KCNT1: variants seen among roughly 807,000 people sequenced by gnomAD.
KCNT1 encodes potassium channel subfamily T member 1.
Under a neutral mutation model 147.8 loss-of-function variants are expected in KCNT1, and 78 were observed. That is an observed-to-expected ratio of 0.53 (90% confidence interval 0.44 to 0.64). The LOEUF (loss-of-function observed/expected upper bound fraction) is 0.64, where lower values mean the gene tolerates loss of function less well. Ranked by LOEUF, KCNT1 falls within the 30% of genes least tolerant of loss-of-function variation. The pLI, the probability that KCNT1 is intolerant of heterozygous loss-of-function variation, is 0.00. For missense variants in KCNT1, 1,419 were observed against 1,750.3 expected (o/e 0.81, Z 3.38); for synonymous variants, 867 against 748.8 (o/e 1.16, Z -2.58).
chr9:135,768,341 G>T, intron 13 of KCNT1: 1 of 204,562 alleles, frequency 4.9e-6, no homozygotes, highest in Non-Finnish European at 8.3e-6. Context: ...CTGTGATGTG[G>T]GTTGGGGGGG....
In KCNT1 at chr9:135,770,462, C is replaced by T. The variant is rs201980088; in HGVS notation, c.1769+15C>T. The T allele has an allele frequency of 1.8e-5, 29 of 1,604,300 alleles. No homozygotes were observed. The highest frequency in any genetic ancestry group is 1.0e-4 in the Admixed American group (6 of 59,374). On this transcript the variant is annotated intron_variant, in intron 17 of 30. Transcript: ENST00000371757. ...GCCCACAAGAAGTAAGGCCGGGCTG[C>T]ATCCACAGGGCTGGCGCTCCAGGGC...
chr9:135,753,302 G>T (rs761890794), intron 4 of KCNT1, among the ~76,000 whole-genome samples: 8 of 152,206 alleles, frequency 5.3e-5, no homozygotes, highest in Non-Finnish European at 1.2e-4. Flanking sequence ...GGGGCCTTGT[G>T]AGCAGTGAGG....
intron 2 of KCNT1, among the ~76,000 whole-genome samples, chr9:135,729,449 C>T (rs1836343366): frequency 6.6e-6 from 1 of 152,266 alleles, no homozygotes; most frequent in Non-Finnish European, 1.5e-5. Flanking sequence ...CTGCTGGGCT[C>T]CAGATGCGGG....
chr9:135,788,094 C>A, intron 29 of KCNT1: 1 of 1,602,962 alleles, frequency 6.2e-7, no homozygotes, highest in Non-Finnish European at 8.5e-7. Flanking sequence ...TCTGTGTGTT[C>A]TGTAGAGGAC....
At chr9:135,779,312 T>G in intron 23 of KCNT1, 47 bp from the exon 24 acceptor site, 1 of 1,059,542 alleles carries the variant, frequency 9.4e-7, no homozygotes, top group Non-Finnish European at 1.4e-6. Context: ...CCCTGAGACC[T>G]CCTACAACCA....
chr9:135,764,433 C>T (rs1832118986), intron 11 of KCNT1, among the ~76,000 whole-genome samples: 2 of 152,176 alleles, frequency 1.3e-5, no homozygotes, highest in African/African-American at 2.4e-5. Context: ...GCACTCCAGC[C>T]TGGGTGACAG....
Position 135,752,787 on chromosome 9 carries a change from T to C in KCNT1, c.435-1150T>C, listed in dbSNP as rs574114194. On this transcript the variant is annotated intron_variant, in intron 4 of 30. Coordinates refer to ENST00000371757, the MANE Select transcript of KCNT1 (RefSeq NM_020822.3). The surrounding 1 kb of genome is among the most constrained non-coding windows in gnomAD (Gnocchi z 5.1). ...GATGAGTGGATGGGTGGATGATGGA[T>C]GGATGGATGGATGGATGATGCGTGG... is the stretch of plus-strand genomic sequence containing the variant. 7.0e-6 allele frequency among the ~76,000 whole-genome samples: 1 copy of C among 143,318 alleles called. No homozygotes were observed. The highest frequency in any genetic ancestry group is 1.5e-5 in the Non-Finnish European group (1 of 65,768). 94.0% of individuals were successfully genotyped at this position (143,318 alleles called of 152,430 possible). A position where few individuals can be genotyped will look rare whatever the true frequency, so the allele number is the denominator to read the frequency against.
chr9:135,717,759 C>T (rs931655530), intron 2 of KCNT1, among the ~76,000 whole-genome samples: 10 of 152,222 alleles, frequency 6.6e-5, no homozygotes, highest in Non-Finnish European at 1.5e-5. Flanking sequence ...CCAGGAATGG[C>T]AGCTCCTTGG....
intron 20 of KCNT1, 79 bp downstream of exon 20, chr9:135,775,494 T>C: frequency 9.2e-7 from 1 of 1,086,406 alleles, no homozygotes; most frequent in Non-Finnish European, 1.3e-6. Context: ...GGTTTCTCTT[T>C]GGTCACTTTA....
chr9:135,712,847 C>T (rs1048096469), intron 1 of KCNT1, among the ~76,000 whole-genome samples: 5 of 152,220 alleles, frequency 3.3e-5, no homozygotes, highest in African/African-American at 9.6e-5. Flanking sequence ...TGCTTATGGC[C>T]GTGTGCTCGC....
At chr9:135,707,675 C>T (rs1438079440) in intron 1 of KCNT1, among the ~76,000 whole-genome samples, 5 of 152,102 alleles carry the variant, frequency 3.3e-5, no homozygotes, top group Admixed American at 2.0e-4. Context: ...GCTCGCCTGG[C>T]GTCTGGCCCA....
Position 135,765,055 on chromosome 9 carries a change from A to C in KCNT1, c.1060A>C (p.Met354Leu). Reference sequence around the variant, plus strand: ...GTTCGAGGAGCTCGTCTACCTCTGGATGGAGCGGCAGAAGTCAGGGGGCAA... The same window carrying C: ...GTTCGAGGAGCTCGTCTACCTCTGGCTGGAGCGGCAGAAGTCAGGGGGCAA... ...LQFEELVYLW[M>L]ERQKSGGNYS... The change falls in exon 12 of 31, where the codon ATG (methionine) becomes CTG (leucine). Residue 354 changes from methionine to leucine, a missense_variant. By Grantham distance (15) the Met-to-Leu change is conservative. Transcript: ENST00000371757. The C allele has an allele frequency of 6.2e-7, 1 of 1,612,218 alleles. No individual in the cohort carries two copies.
intron 11 of KCNT1, among the ~76,000 whole-genome samples, chr9:135,763,927 G>A (rs1287348427): frequency 1.3e-5 from 2 of 152,132 alleles, no homozygotes; most frequent in Non-Finnish European, 2.9e-5. Context: ...TGGGGTGTCT[G>A]ACAGCAGAGC....
chr9:135,755,219 C>G, intron 6 of KCNT1, 50 bp downstream of exon 6: 1 of 1,517,082 alleles, frequency 6.6e-7, no homozygotes, highest in Non-Finnish European at 9.0e-7. Flanking sequence ...GCTCAGTAAG[C>G]ACTGAGGACC....
Position 135,755,267 on chromosome 9 carries a change from A to G in KCNT1, c.540+98A>G, listed in dbSNP as rs183794340. On this transcript the variant is annotated intron_variant, in intron 6 of 30. Transcript: ENST00000371757. ...GTAAGTAGGGAACCCAGGCTCGGTGAGCACTGAGGACATACCCAGTCTCAG... is the reference window on the plus strand; with the variant it reads ...GTAAGTAGGGAACCCAGGCTCGGTGGGCACTGAGGACATACCCAGTCTCAG... 82 of 989,914 alleles carry G rather than the reference A, an allele frequency of 8.3e-5. No homozygotes were observed. The African/African-American group carries it at 1.0e-3, about 12-fold the overall frequency. The allele number at this position is 989,914 out of a possible 1,614,324, so 61.3% of individuals were successfully genotyped here. A position where few individuals can be genotyped will look rare whatever the true frequency, so the allele number is the denominator to read the frequency against.
intron 1 of KCNT1, among the ~76,000 whole-genome samples, chr9:135,706,442 G>C (rs1001106430): frequency 6.6e-6 from 1 of 152,252 alleles, no homozygotes; most frequent in South Asian, 2.1e-4. Context: ...CCTCACAACA[G>C]TGCCGGGGTG....
intron 2 of KCNT1, among the ~76,000 whole-genome samples, chr9:135,733,862 T>G (rs887599738): frequency 2.8e-4 from 42 of 149,330 alleles, no homozygotes; most frequent in Admixed American, 2.7e-3. Context: ...AGAATGGGTG[T>G]CATAATCCAC....
At chr9:135,761,096 G>C (rs1831886359) in intron 11 of KCNT1, among the ~76,000 whole-genome samples, 2 of 151,956 alleles carry the variant, frequency 1.3e-5, no homozygotes, top group South Asian at 4.2e-4. Flanking sequence ...TCGAACTCCT[G>C]GGCTCAAGCG....
At chr9:135,735,223 G>A (rs961350266) in intron 2 of KCNT1, among the ~76,000 whole-genome samples, 4 of 152,332 alleles carry the variant, frequency 2.6e-5, no homozygotes, top group African/African-American at 7.2e-5. Context: ...GGCTTTTCAG[G>A]GGATTTTCCT....
Sources: gnomAD v4.1 joint callset for allele counts (sites outside exome capture counted in the v4.1 genomes callset) on GRCh38, gnomAD v4.1.1 for gene constraint, Gnocchi (gnomAD v3.1) non-coding constraint, MANE v1.5 for transcripts, NCBI Gene and HGNC (gene_info 2026-07-23, HGNC 2026-07-21) for gene names.